NOS1: variants seen among roughly 807,000 people sequenced by gnomAD.
NOS1 encodes NOS type I.
NOS1 carries 51 observed loss-of-function variants against 164.5 expected under a neutral mutation model. The observed-to-expected ratio is 0.31, with a 90% CI of 0.25 to 0.39. The LOEUF (loss-of-function observed/expected upper bound fraction) is 0.39, where lower values mean the gene tolerates loss of function less well. NOS1 is among the 10% of genes least tolerant of loss of function. The probability of loss-of-function intolerance (pLI) is 1.00; values close to 1 mark genes in which losing one functional copy is unlikely to be tolerated. For missense variants in NOS1, 1,362 were observed against 1,885.6 expected, an observed-to-expected ratio of 0.72 and a Z score of 5.14; for synonymous variants, 719 against 745.8, an observed-to-expected ratio of 0.96 and a Z score of 0.59.
chr12:117,246,675 G>GGAT (rs1870641868), intron 18 of NOS1, among the ~76,000 whole-genome samples: 1 of 151,972 alleles, frequency 6.6e-6, no homozygotes, highest in Admixed American at 6.6e-5. Flanking sequence ...CCTGCCTTCT[G>GGAT]TCTCTATGGA....
chr12:117,308,709 G>A (rs1193679906), intron 3 of NOS1, among the ~76,000 whole-genome samples: 3 of 151,504 alleles, frequency 2.0e-5, no homozygotes, highest in African/African-American at 7.3e-5. Flanking sequence ...CGATTCTCCT[G>A]CCTCAGCCTC....
intron 10 of NOS1, among the ~76,000 whole-genome samples, chr12:117,271,277 C>CTT (rs112893883): frequency 7.1e-6 from 1 of 141,626 alleles, no homozygotes; most frequent in African/African-American, 2.6e-5. Flanking sequence ...ATACCGGTGG[C>CTT]TTTTTTTTTT....
chr12:117,260,110 C>T (rs1412460845), intron 14 of NOS1, among the ~76,000 whole-genome samples: 2 of 134,098 alleles, frequency 1.5e-5, no homozygotes, highest in Non-Finnish European at 3.1e-5. Flanking sequence ...CAGAGTGAAA[C>T]TCCTTCTCAA....
chr12:117,316,752 G>A (rs1276885599), intron 2 of NOS1, among the ~76,000 whole-genome samples: 1 of 152,188 alleles, frequency 6.6e-6, no homozygotes, highest in Non-Finnish European at 1.5e-5. Flanking sequence ...GCCTCTGGGA[G>A]GGCAGCATTT....
At chr12:117,315,734 C>T (rs2136059319) in intron 2 of NOS1, among the ~76,000 whole-genome samples, 1 of 152,312 alleles carries the variant, frequency 6.6e-6, no homozygotes, top group East Asian at 1.9e-4. Context: ...CCTGGCTTTG[C>T]TGGTTATAAA....
chr12:117,322,388 T>G (rs2136066203), intron 2 of NOS1, among the ~76,000 whole-genome samples: 1 of 119,844 alleles, frequency 8.3e-6, no homozygotes, highest in African/African-American at 3.2e-5. Flanking sequence ...CCTCGTTCGT[T>G]CTCTCTTCTT....
Position 117,247,292 on chromosome 12 carries a change from C to T in NOS1, c.2823+56G>A, listed in dbSNP as rs1427927942. On this transcript the variant is annotated intron_variant, in intron 18 of 28. Transcript: ENST00000317775. ...CTCTTCTTGATGGTTTAGGTGCTGT[C>T]TTTGGGGGTGTGGGGAGCATTACTT... 11 of 1,426,864 alleles carry T rather than the reference C, an allele frequency of 7.7e-6. No individual in the cohort carries two copies. In the African/African-American group the frequency reaches 1.6e-4, roughly 20 times the overall value. The allele number at this position is 1,426,864 out of a possible 1,614,324, so 88.4% of individuals were successfully genotyped here. A position where few individuals can be genotyped will look rare whatever the true frequency, so the allele number is the denominator to read the frequency against.
chr12:117,336,040 T>C (rs1875803854), intron 1 of NOS1, among the ~76,000 whole-genome samples: 1 of 151,714 alleles, frequency 6.6e-6, no homozygotes, highest in Non-Finnish European at 1.5e-5. Context: ...ACCTTACGGA[T>C]GGATAAGGCA....
chr12:117,344,614 T>C (rs976019514), intron 1 of NOS1, among the ~76,000 whole-genome samples: 19 of 152,248 alleles, frequency 1.2e-4, no homozygotes, highest in African/African-American at 2.9e-4. Context: ...GCTTTTCTAA[T>C]GTTCTAAGTA....
At chr12:117,300,138 C>T (rs1233900078) in intron 3 of NOS1, among the ~76,000 whole-genome samples, 1 of 152,114 alleles carries the variant, frequency 6.6e-6, no homozygotes, top group Non-Finnish European at 1.5e-5. Flanking sequence ...GGCTGTTGAC[C>T]TGTAAGAGCC....
At chr12:117,233,070 G>A (rs1171106477) in intron 21 of NOS1, among the ~76,000 whole-genome samples, 1 of 110,080 alleles carries the variant, frequency 9.1e-6, no homozygotes, top group Non-Finnish European at 1.7e-5. Flanking sequence ...ATGGAGTTTC[G>A]CTTTTGCTGC....
intron 2 of NOS1, among the ~76,000 whole-genome samples, chr12:117,326,038 C>T (rs1875227986): frequency 1.3e-5 from 2 of 152,132 alleles, no homozygotes; most frequent in African/African-American, 4.8e-5. Flanking sequence ...ATTTAAACTG[C>T]TATCCATGAA....
Position 117,253,621 on chromosome 12 carries a change from C to T in NOS1, c.2648+17G>A. On this transcript the variant is annotated intron_variant, in intron 17 of 28. Coordinates refer to ENST00000317775, the MANE Select transcript of NOS1 (RefSeq NM_000620.5). ...TTAGTCTTCCCTGACCCCCGACCCC[C>T]TTATCCCCTTGCTCACCTCACATTG... 6.3e-7 allele frequency: 1 copy of T among 1,584,470 alleles called. No individual in the cohort carries two copies.
In NOS1 at chr12:117,253,693, C is replaced by A; in HGVS notation, c.2593G>T (p.Asp865Tyr). ...AAGTTGTCTCTGAGGTCGGGCCCATCGCCTGATGATTTTTGGGAGTCAGAG... is the reference window on the plus strand; with the variant it reads ...AAGTTGTCTCTGAGGTCGGGCCCATAGCCTGATGATTTTTGGGAGTCAGAG... ...SYSDSQKSSG[D>Y]GPDLRDNFES... Residue 865 changes from aspartate (D) to tyrosine (Y), a missense_variant, in exon 17 of 29, where the codon GAT (aspartate) becomes TAT (tyrosine). By Grantham distance (160) the Asp-to-Tyr change is radical. Transcript: ENST00000317775. 1.2e-6 allele frequency: 2 copies of A among 1,614,058 alleles called. No individual in the cohort carries two copies. Among genetic ancestry groups the A allele is most frequent in the Non-Finnish European group, 1.7e-6 (2 of 1,180,010 alleles).
intron 16 of NOS1, among the ~76,000 whole-genome samples, chr12:117,256,517 A>C (rs1448317236): frequency 6.6e-6 from 1 of 151,252 alleles, no homozygotes; most frequent in Non-Finnish European, 1.5e-5. Context: ...ACCTTAGGTG[A>C]TCCTCTCGCC....
intron 1 of NOS1, among the ~76,000 whole-genome samples, chr12:117,346,680 G>C (rs188279563): frequency 6.6e-6 from 1 of 152,224 alleles, no homozygotes; most frequent in African/African-American, 2.4e-5. Context: ...TATGACTCAG[G>C]CTCTGCATTT....
intron 12 of NOS1, among the ~76,000 whole-genome samples, chr12:117,265,112 C>G (rs974120078): frequency 2.6e-5 from 4 of 152,188 alleles, no homozygotes; most frequent in African/African-American, 9.7e-5. Flanking sequence ...TCCCAAATCA[C>G]TGGGATTATA....
intron 17 of NOS1, among the ~76,000 whole-genome samples, chr12:117,249,504 A>G (rs1870919546): frequency 6.6e-6 from 1 of 152,216 alleles, no homozygotes; most frequent in African/African-American, 2.4e-5. Flanking sequence ...ATATGAAGAT[A>G]ATGAAACTAT....
intron 21 of NOS1, among the ~76,000 whole-genome samples, chr12:117,232,971 A>G (rs10774908): frequency 0.42 from 63,436 of 150,248 alleles, 14,735 homozygotes; most frequent in African/African-American, 0.58. Flanking sequence ...GGGCTCAAGT[A>G]ATCCTCCCAC....
Sources: gnomAD v4.1 joint callset for allele counts (sites outside exome capture counted in the v4.1 genomes callset) on GRCh38, gnomAD v4.1.1 for gene constraint, MANE v1.5 for transcripts, NCBI Gene and HGNC (gene_info 2026-07-23, HGNC 2026-07-21) for gene names.